The following TMEM114 variants were observed in gnomAD, a reference collection of about 807,000 sequenced individuals.
The protein encoded by TMEM114 is transmembrane protein 114.
A neutral mutation model predicts 6.2 loss-of-function variants in TMEM114; 6 were observed. The observed-to-expected ratio is 0.97, with a 90% CI of 0.53 to 1.91. The LOEUF (loss-of-function observed/expected upper bound fraction) is 1.91, where lower values mean the gene tolerates loss of function less well. Among genes scored for constraint, TMEM114 ranks in the 40% most tolerant of loss-of-function variants. The pLI, the probability that TMEM114 is intolerant of heterozygous loss-of-function variation, is 0.01. For missense variants in TMEM114, 218 were observed against 158.3 expected (o/e 1.38, Z -2.02); for synonymous variants, 104 against 73.0 (o/e 1.42, Z -2.16).
Position 8,569,761 on chromosome 16 carries a change from C to T in TMEM114, c.*12G>A, listed in dbSNP as rs771699144. On this transcript the variant is annotated 3_prime_UTR_variant, in exon 4 of 4. Transcript: ENST00000620492. Reference sequence around the variant, plus strand: ...AAGCCCCTCCCTCCCCTCCACGACCCAGCGCCCAGGCTCATATGGCCTGGT... The same window carrying T: ...AAGCCCCTCCCTCCCCTCCACGACCTAGCGCCCAGGCTCATATGGCCTGGT... 25 of 1,545,036 alleles carry T rather than the reference C, an allele frequency of 1.6e-5. No individual in the cohort carries two copies. Among genetic ancestry groups the T allele is most frequent in the South Asian group, 1.5e-4 (13 of 83,874 alleles).
At chr16:8,554,337 C>G (rs1406968324) in intron 2 of TMEM114, among the ~76,000 whole-genome samples, 1 of 152,086 alleles carries the variant, frequency 6.6e-6, no homozygotes, top group Non-Finnish European at 1.5e-5. Flanking sequence ...AGGAGCATCG[C>G]TTGAGACCAG....
At chr16:8,532,672 C>G (rs946326738), downstream of TMEM114, among the ~76,000 whole-genome samples, 2 of 152,196 alleles carry the variant, frequency 1.3e-5, no homozygotes, top group Non-Finnish European at 2.9e-5. Flanking sequence ...CGCCTGTAAT[C>G]CCAGCACTTT....
chr16:8,549,181 CAAAAAAAAA>C (rs1216258524), intron 2 of TMEM114, among the ~76,000 whole-genome samples: 1 of 49,312 alleles, frequency 2.0e-5, no homozygotes, highest in Non-Finnish European at 3.6e-5. Flanking sequence ...GACTCCATCT[CAAAAAAAAA>C]AAAAAAAAAA....
intron 2 of TMEM114, among the ~76,000 whole-genome samples, chr16:8,547,035 G>A (rs1323298033): frequency 6.6e-6 from 1 of 152,214 alleles, no homozygotes; most frequent in East Asian, 1.9e-4. Flanking sequence ...AGACCCATTA[G>A]AATGTTTATC....
chr16:8,562,426 A>G (rs62645653), intron 2 of TMEM114, among the ~76,000 whole-genome samples: 499 of 64,668 alleles, frequency 7.7e-3, no homozygotes, highest in Middle Eastern at 0.029. Flanking sequence ...GTGAGTGAAT[A>G]AGTGAGTGAG....
At chr16:8,557,171 A>T (rs7189032) in intron 2 of TMEM114, among the ~76,000 whole-genome samples, 54,710 of 152,000 alleles carry the variant, frequency 0.36, 10,531 homozygotes, top group African/African-American at 0.49. Context: ...GTTGAGGTCT[A>T]TGTTCCCTCC....
Position 8,569,629 on chromosome 16 carries a change from C to T in TMEM114, c.*144G>A. ...ATAACAGCCAGGCCCCAAGCTTAGT[C>T]CGCGGGGATTTGTGGGGGAAGGAGG... On this transcript the variant is annotated 3_prime_UTR_variant, in exon 4 of 4. Transcript: ENST00000620492. 3 of 1,437,584 alleles carry T rather than the reference C, an allele frequency of 2.1e-6. No homozygotes were observed. The highest frequency in any genetic ancestry group is 2.7e-6 in the Non-Finnish European group (3 of 1,100,380). 89.1% of individuals were successfully genotyped at this position (1,437,584 alleles called of 1,614,324 possible).
intron 2 of TMEM114, among the ~76,000 whole-genome samples, chr16:8,588,888 C>CTCT (rs1169299721): frequency 6.6e-6 from 1 of 152,232 alleles, no homozygotes; most frequent in Non-Finnish European, 1.5e-5. Flanking sequence ...CTGCTGGACT[C>CTCT]TAACTGCGCG....
intron 2 of TMEM114, among the ~76,000 whole-genome samples, chr16:8,549,791 G>T (rs1257823752): frequency 1.3e-5 from 2 of 152,086 alleles, no homozygotes; most frequent in Non-Finnish European, 2.9e-5. Flanking sequence ...TATTAGTCAG[G>T]GTTCTCTAGA....
At chr16:8,584,107 G>A (rs1224562008) in intron 2 of TMEM114, among the ~76,000 whole-genome samples, 1 of 152,252 alleles carries the variant, frequency 6.6e-6, no homozygotes, top group Non-Finnish European at 1.5e-5. Context: ...TAAGGTGGGA[G>A]AGGATTTAGC....
chr16:8,574,334 G>A (rs1482588053), intron 2 of TMEM114, among the ~76,000 whole-genome samples: 4 of 152,202 alleles, frequency 2.6e-5, no homozygotes, highest in Admixed American at 2.0e-4. Flanking sequence ...GTTGCGTCCC[G>A]TAGAGCAGGC....
At chr16:8,544,074 T>A (rs1291565643) in intron 2 of TMEM114, among the ~76,000 whole-genome samples, 1 of 152,182 alleles carries the variant, frequency 6.6e-6, no homozygotes, top group Admixed American at 6.5e-5. Context: ...GGTTTTCTTT[T>A]TGTTGATAGA....
chr16:8,538,760 C>T (rs1900435343), intron 2 of TMEM114, among the ~76,000 whole-genome samples: 1 of 152,196 alleles, frequency 6.6e-6, no homozygotes, highest in Non-Finnish European at 1.5e-5. Flanking sequence ...CCCACCTCGG[C>T]CTCCCAAGGT....
At chr16:8,553,969 C>G (rs1900926417) in intron 2 of TMEM114, among the ~76,000 whole-genome samples, 1 of 151,804 alleles carries the variant, frequency 6.6e-6, no homozygotes, top group African/African-American at 2.4e-5. Flanking sequence ...ACCTCTGGCT[C>G]CCAGGTTCAA....
chr16:8,570,433 G>A (rs577575620), intron 3 of TMEM114, among the ~76,000 whole-genome samples: 12 of 152,268 alleles, frequency 7.9e-5, no homozygotes, highest in African/African-American at 2.9e-4. Context: ...CCGGGTTCAA[G>A]CTATTCTCCT....
In TMEM114 at chr16:8,552,871, C is replaced by A. The variant is rs533025265; in HGVS notation, n.213-15045G>T. On this transcript the variant is annotated intron_variant and non_coding_transcript_variant, in intron 2 of 2. Transcript: ENST00000623677. ...CCTTGATCCTTGGGCTTAACAGCTC[C>A]CAGGGCCCACCGAGCTGTGATTCTG... 2.0e-5 allele frequency among the ~76,000 whole-genome samples: 3 copies of A among 152,260 alleles called. No homozygotes were observed. In the East Asian group the frequency reaches 5.8e-4, roughly 29 times the overall value.
intron 2 of TMEM114, among the ~76,000 whole-genome samples, chr16:8,554,583 C>G (rs1900948325): frequency 6.6e-6 from 1 of 152,150 alleles, no homozygotes; most frequent in Non-Finnish European, 1.5e-5. Flanking sequence ...TTCTCTTTCG[C>G]TCCCCACGGA....
chr16:8,550,608 G>T (rs980346668), intron 2 of TMEM114, among the ~76,000 whole-genome samples: 3 of 151,660 alleles, frequency 2.0e-5, no homozygotes, highest in Non-Finnish European at 4.4e-5. Flanking sequence ...AACCCTGGAG[G>T]CAGAGGTTGC....
intron 2 of TMEM114, among the ~76,000 whole-genome samples, chr16:8,540,157 A>G (rs574107992): frequency 1.3e-5 from 2 of 152,348 alleles, no homozygotes; most frequent in African/African-American, 4.8e-5. Flanking sequence ...GAATGTATTT[A>G]TTCATTCAAA....
Sources: allele counts gnomAD v4.1 joint callset (sites outside exome capture counted in the v4.1 genomes callset), GRCh38; gene constraint gnomAD v4.1.1; transcripts MANE v1.5; gene names NCBI Gene and HGNC (gene_info 2026-07-23, HGNC 2026-07-21).